Variants in NEDD4 observed in about 807,000 individuals in gnomAD.
NEDD4 encodes E3 ubiquitin-protein ligase NEDD4.
A neutral mutation model predicts 144.9 loss-of-function variants in NEDD4; 99 were observed. That is an observed-to-expected ratio of 0.68 (90% CI 0.58 to 0.81). NEDD4 has a LOEUF of 0.81. Among genes scored for constraint, NEDD4 ranks in the 30% least tolerant of loss-of-function variants. NEDD4 has a pLI of 0.00. For synonymous variants in NEDD4, 318 were observed against 350.6 expected, an observed-to-expected ratio of 0.91 and a Z score of 1.04; for missense variants, 985 against 1,065.9, an observed-to-expected ratio of 0.92 and a Z score of 1.06.
intron 13 of NEDD4, among the ~76,000 whole-genome samples, chr15:55,851,824 G>T (rs1425576453): frequency 6.6e-6 from 1 of 152,036 alleles, no homozygotes; most frequent in Non-Finnish European, 1.5e-5. Flanking sequence ...TTATCTGTTA[G>T]TTAAAATAAT....
At chr15:55,830,038 A>C (rs1426137444) in intron 28 of NEDD4, 39 bp from the exon 29 acceptor site, 1 of 1,432,616 alleles carries the variant, frequency 7.0e-7, no homozygotes, top group Non-Finnish European at 9.8e-7. Flanking sequence ...AAAGACACTG[A>C]CAAAGCAAGT....
rs1476971934 is a variant in NEDD4, at chr15:55,872,424, T to G, written c.395A>C (p.His132Pro). ...TTTTATATTTACTGACCTTCTTGGA[T>G]GAAGAACAAAATCCTTAAATGTATA... ...RPYTFKDFVL[H>P]PRSHKSRVKG... The change falls in exon 7 of 29, where the codon CAT (histidine) becomes CCT (proline). Residue 132 changes from histidine (H) to proline (P), a missense_variant. Transcript: ENST00000435532. 2.1e-6 allele frequency: 3 copies of G among 1,455,638 alleles called. No homozygotes were observed. In the African/African-American group the frequency reaches 4.3e-5, roughly 21 times the overall value. 90.2% of individuals were successfully genotyped at this position (1,455,638 alleles called of 1,614,324 possible).
chr15:55,837,730 T>A, intron 24 of NEDD4, 59 bp downstream of exon 24: 1 of 1,286,058 alleles, frequency 7.8e-7, no homozygotes, highest in Non-Finnish European at 1.1e-6. Context: ...GGCCTAATAT[T>A]TGAAACTTAT....
chr15:55,928,770 ATTAAAG>A (rs1257489012), intron 4 of NEDD4, among the ~76,000 whole-genome samples: 1 of 152,170 alleles, frequency 6.6e-6, no homozygotes, highest in East Asian at 1.9e-4. Flanking sequence ...TTTTCCTTTT[ATTAAAG>A]TTAATTTGGC....
At chr15:55,852,274 G>T in intron 13 of NEDD4, 150 bp downstream of exon 13, 1 of 828,992 alleles carries the variant, frequency 1.2e-6, no homozygotes, top group Non-Finnish European at 1.7e-6. Flanking sequence ...CAGCCTGGGC[G>T]ACAATACTGA....
At chr15:55,908,781 T>C (rs1203905786) in intron 5 of NEDD4, among the ~76,000 whole-genome samples, 1 of 152,194 alleles carries the variant, frequency 6.6e-6, no homozygotes, top group Non-Finnish European at 1.5e-5. Context: ...GCAGTGCACC[T>C]GTAGTCCCAG....
At chr15:55,903,163 T>C (rs1215381798) in intron 5 of NEDD4, among the ~76,000 whole-genome samples, 3 of 152,238 alleles carry the variant, frequency 2.0e-5, no homozygotes, top group Non-Finnish European at 4.4e-5. Flanking sequence ...CATTATTCAT[T>C]AGATTGTAGT....
intron 5 of NEDD4, among the ~76,000 whole-genome samples, chr15:55,905,739 ATTTG>A (rs1408178209): frequency 6.6e-6 from 1 of 152,132 alleles, no homozygotes; most frequent in African/African-American, 2.4e-5. Context: ...TTTCTTGTAA[ATTTG>A]TTTGAGTTCT....
intron 1 of NEDD4, among the ~76,000 whole-genome samples, chr15:55,993,285 G>A (rs1226887430): frequency 6.6e-6 from 1 of 152,164 alleles, no homozygotes; most frequent in African/African-American, 2.4e-5. Flanking sequence ...CCGGGAAGGG[G>A]CGGGTGTGGA....
intron 2 of NEDD4, among the ~76,000 whole-genome samples, chr15:55,952,173 A>G (rs1468214210): frequency 3.5e-5 from 5 of 144,874 alleles, no homozygotes; most frequent in Non-Finnish European, 6.1e-5. Context: ...CTAAAAATAC[A>G]AAAAAAAAAA....
At chr15:55,905,024 A>G (rs1299980107) in intron 5 of NEDD4, among the ~76,000 whole-genome samples, 1 of 151,564 alleles carries the variant, frequency 6.6e-6, no homozygotes, top group African/African-American at 2.4e-5. Flanking sequence ...CCCAGGAGGC[A>G]GAGGCTGCAG....
Position 55,872,475 on chromosome 15 carries a change from G to T in NEDD4, c.344C>A (p.Thr115Lys). ...QVDVPLYPLP[T>K]ENPRLERPYT... ...TGGTCTCTCCAATCTTGGATTTTCTGTCTAGAATAAAATAGTGGGTTTTCA... is the reference window on the plus strand; with the variant it reads ...TGGTCTCTCCAATCTTGGATTTTCTTTCTAGAATAAAATAGTGGGTTTTCA... The change falls in exon 7 of 29, where the codon ACA (threonine) becomes AAA (lysine). Residue 115 changes from threonine to lysine, a missense_variant and splice_region_variant. By Grantham distance (78) the Thr-to-Lys change is moderately conservative (BLOSUM62 -1). Transcript: ENST00000435532. 1.4e-6 allele frequency: 2 copies of T among 1,423,484 alleles called. No homozygotes were observed. Among genetic ancestry groups the T allele is most frequent in the African/African-American group, 1.5e-5 (1 of 68,804 alleles). The allele number at this position is 1,423,484 out of a possible 1,614,324, so 88.2% of individuals were successfully genotyped here. A position where few individuals can be genotyped will look rare whatever the true frequency, so the allele number is the denominator to read the frequency against.
chr15:55,837,783 G>T lies in NEDD4; in HGVS notation c.2262+6C>A. 1.9e-6 allele frequency: 3 copies of T among 1,606,104 alleles called. No homozygotes were observed. The highest frequency in any genetic ancestry group is 1.1e-5 in the South Asian group (1 of 90,578). Reference sequence around the variant, plus strand: ...TATGGAAGAGCAAATAAAAGAAAATGAATACCTCTTTAAAAGCAGCCATTT... The same window carrying T: ...TATGGAAGAGCAAATAAAAGAAAATTAATACCTCTTTAAAAGCAGCCATTT... On this transcript the variant is annotated splice_donor_region_variant and intron_variant, in intron 24 of 28. Coordinates refer to ENST00000435532, the MANE Select transcript of NEDD4 (RefSeq NM_006154.4).
intron 1 of NEDD4, among the ~76,000 whole-genome samples, chr15:55,976,902 G>C (rs375641757): frequency 6.6e-6 from 1 of 151,908 alleles, no homozygotes; most frequent in Non-Finnish European, 1.5e-5. Context: ...CGAAGTGCTG[G>C]GATTACAGGT....
intron 5 of NEDD4, among the ~76,000 whole-genome samples, chr15:55,893,702 ATAAG>A (rs1217168621): frequency 6.6e-6 from 1 of 151,150 alleles, no homozygotes; most frequent in African/African-American, 2.4e-5. Context: ...TATTTTAAAA[ATAAG>A]AAACCATATT....
chr15:55,877,060 A>G (rs1041641695), intron 5 of NEDD4, among the ~76,000 whole-genome samples: 2 of 152,088 alleles, frequency 1.3e-5, no homozygotes, highest in Non-Finnish European at 2.9e-5. Context: ...ATACTGCGAG[A>G]GAATCCTCAT....
chr15:55,910,071 C>A (rs950869937), intron 5 of NEDD4, among the ~76,000 whole-genome samples: 1 of 152,138 alleles, frequency 6.6e-6, no homozygotes, highest in Non-Finnish European at 1.5e-5. Context: ...AAGACTGTAA[C>A]CTTTATTTTT....
chr15:55,900,073 T>C, intron 5 of NEDD4, among the ~76,000 whole-genome samples: 1 of 152,008 alleles, frequency 6.6e-6, no homozygotes, highest in African/African-American at 2.4e-5. Flanking sequence ...CTCCACTTTT[T>C]TTTTTTTTAA....
At chr15:55,949,971 A>C (rs1487491273) in intron 4 of NEDD4, among the ~76,000 whole-genome samples, 1 of 152,104 alleles carries the variant, frequency 6.6e-6, no homozygotes, top group African/African-American at 2.4e-5. Flanking sequence ...AAGAAAATAC[A>C]TATGTTTCTA....
Sources: gnomAD v4.1 joint callset for allele counts (sites outside exome capture counted in the v4.1 genomes callset) on GRCh38, gnomAD v4.1.1 for gene constraint, MANE v1.5 for transcripts, NCBI Gene and HGNC (gene_info 2026-07-23, HGNC 2026-07-21) for gene names.